Variants in SYNE2 observed in about 807,000 individuals in gnomAD.
SYNE2 encodes the protein nesprin-2.
In SYNE2, 431 loss-of-function variants were observed where a neutral mutation model predicts 856.3. The observed-to-expected ratio is 0.50, with a 90% CI of 0.47 to 0.55. SYNE2 has a LOEUF of 0.55. Among genes scored for constraint, SYNE2 ranks in the 20% least tolerant of loss-of-function variants. The pLI is 0.00. For synonymous variants in SYNE2, 2,923 were observed against 2,872.3 expected, an observed-to-expected ratio of 1.02 and a Z score of -0.56; for missense variants, 8,129 against 8,023.2, an observed-to-expected ratio of 1.01 and a Z score of -0.50.
At chr14:64,022,905 T>C (rs1253688597) in intron 38 of SYNE2, 42 bp downstream of exon 38, 2 of 1,027,236 alleles carry the variant, frequency 1.9e-6, no homozygotes, top group Non-Finnish European at 1.5e-6. Flanking sequence ...TTTTCAATAC[T>C]AAAATACTGG....
Position 64,047,983 on chromosome 14 carries a change from CTT to C in SYNE2, c.7222-13_7222-12del. ...GAAAGTAGACTATTCAGCAATTAAT[CTT>C]TTTATGTATTTCAGGATTCAGCTGT... On this transcript the variant is annotated splice_polypyrimidine_tract_variant and intron_variant, in intron 45 of 115. Transcript: ENST00000555002. 6.2e-7 allele frequency: 1 copy of C among 1,612,632 alleles called. No individual in the cohort carries two copies. The highest frequency in any genetic ancestry group is 1.1e-5 in the South Asian group (1 of 90,978).
chr14:63,929,441 AT>A (rs2095714912), intron 2 of SYNE2, among the ~76,000 whole-genome samples: 1 of 152,152 alleles, frequency 6.6e-6, no homozygotes, highest in Non-Finnish European at 1.5e-5. Context: ...ATAAAGAGTA[AT>A]TGGATGGAGG....
chr14:64,042,705 C>T (rs1236846528), intron 45 of SYNE2, among the ~76,000 whole-genome samples: 1 of 152,188 alleles, frequency 6.6e-6, no homozygotes, highest in African/African-American at 2.4e-5. Context: ...CCTTGCCTTA[C>T]ACCATGATTG....
chr14:64,093,291 GTC>G, intron 60 of SYNE2, 56 bp from the exon 61 acceptor site: 1 of 1,594,786 alleles, frequency 6.3e-7, no homozygotes, highest in South Asian at 1.1e-5. Flanking sequence ...AATGAAAATA[GTC>G]CATTAATCTG....
chr14:64,030,379 T>A (rs1258698182), intron 44 of SYNE2, among the ~76,000 whole-genome samples: 1 of 152,244 alleles, frequency 6.6e-6, no homozygotes, highest in Non-Finnish European at 1.5e-5. Context: ...GTTGGATGAA[T>A]GAATGATTGA....
rs780066354 is a variant in SYNE2, at chr14:64,048,152, A to G, written c.7374A>G (p.Ile2458Met). ...TMLRNEQLEEIEKLYTQLEAK... is the reference protein window; with the variant it reads ...TMLRNEQLEEMEKLYTQLEAK... ...TAAGAAATGAACAATTAGAAGAGAT[A>G]GAGGTATGGAAACATAAAAACACTG... Residue 2458 changes from isoleucine (I) to methionine (M), a missense_variant, in exon 46 of 116, where the codon ATA becomes ATG. By Grantham distance (10) the Ile-to-Met change is conservative. This residue lies in a region of SYNE2 where 5,410 missense variants were observed against 5,284.8 expected (regional missense o/e 1.02). Transcript: ENST00000555002. The G allele has an allele frequency of 5.0e-6, 8 of 1,612,752 alleles. No homozygotes were observed. The highest frequency in any genetic ancestry group is 6.8e-6 in the Non-Finnish European group (8 of 1,179,228).
In SYNE2 at chr14:64,128,561, A is replaced by C. The variant is rs776724371; in HGVS notation, c.14019+8A>C. The stretch of plus-strand genomic sequence containing the variant: ...GTTGCTGAACAGCTTCAGGTAATCA[A>C]GTCAAAATAATTCAGACTGACTTAA... On this transcript the variant is annotated splice_region_variant and intron_variant, in intron 74 of 115. Coordinates refer to ENST00000555002, the MANE Select transcript of SYNE2 (RefSeq NM_182914.3). 6.4e-7 allele frequency: 1 copy of C among 1,552,450 alleles called. No individual in the cohort carries two copies. Among genetic ancestry groups the C allele is most frequent in the Non-Finnish European group, 8.9e-7 (1 of 1,123,932 alleles).
rs752924465 is a variant in SYNE2, at chr14:64,097,924, C to T, written c.12109-25C>T. 5.6e-6 allele frequency: 9 copies of T among 1,613,624 alleles called. No individual in the cohort carries two copies. In the South Asian group the frequency reaches 9.9e-5, roughly 18 times the overall value. On this transcript the variant is annotated intron_variant, in intron 61 of 115. Coordinates refer to ENST00000555002, the MANE Select transcript of SYNE2 (RefSeq NM_182914.3). ...TGCAGAGGCCTCAGACTTCTCAAAC[C>T]TATGCAAACACTCTTTCTACACAGG... is the stretch of plus-strand genomic sequence containing the variant.
chr14:64,209,954 C>T lies in SYNE2; in HGVS notation c.18553C>T (p.Gln6185Ter), dbSNP rs1171077128. 1.2e-6 allele frequency: 2 copies of T among 1,614,090 alleles called. No individual in the cohort carries two copies. The highest frequency in any genetic ancestry group is 1.7e-6 in the Non-Finnish European group (2 of 1,180,040). The stretch of plus-strand genomic sequence containing the variant: ...CCATGTGATGCAGGCCTTTCAGCGG[C>T]AGATTCATGAGCGGCTCACTCAGCT... ...ELKRFEAFQR[Q>*]IHERLTQLEL... The change falls in exon 103 of 116, where the codon CAG (glutamine) becomes TAG (stop). Residue 6185 changes from glutamine (Q) to a stop codon, truncating the protein, a stop_gained. Coordinates refer to ENST00000555002, the MANE Select transcript of SYNE2 (RefSeq NM_182914.3). LOFTEE classifies it high-confidence loss of function.
chr14:64,161,552 C>T (rs1402425440), intron 87 of SYNE2, among the ~76,000 whole-genome samples: 2 of 152,006 alleles, frequency 1.3e-5, no homozygotes, highest in Non-Finnish European at 2.9e-5. Context: ...GTCATTTTAT[C>T]AGGCATACAG....
intron 45 of SYNE2, among the ~76,000 whole-genome samples, chr14:64,045,532 G>A (rs1018945189): frequency 6.6e-6 from 1 of 152,156 alleles, no homozygotes; most frequent in Non-Finnish European, 1.5e-5. Flanking sequence ...TAGGCAGAAA[G>A]CACCTACTGG....
At chr14:64,167,043 T>G (rs923672187) in intron 90 of SYNE2, 190 bp from the exon 91 acceptor site, 7 of 657,776 alleles carry the variant, frequency 1.1e-5, no homozygotes, top group Non-Finnish European at 1.8e-5. Context: ...AGGTTGGTAT[T>G]CTAGAAGGCA....
chr14:64,214,609 C>A, intron 106 of SYNE2, 139 bp downstream of exon 106: 1 of 794,726 alleles, frequency 1.3e-6, no homozygotes, highest in Non-Finnish European at 2.0e-6. Context: ...TGTGCTCTAT[C>A]CTGCCCATCT....
chr14:64,013,082 G>T (rs1055157644), intron 32 of SYNE2, among the ~76,000 whole-genome samples: 2 of 152,142 alleles, frequency 1.3e-5, no homozygotes, highest in Non-Finnish European at 2.9e-5. Context: ...ATCAAAGTGG[G>T]CCTAGTTCCC....
chr14:64,054,229 G>C (rs772033389), intron 48 of SYNE2, among the ~76,000 whole-genome samples: 1 of 152,160 alleles, frequency 6.6e-6, no homozygotes, highest in Non-Finnish European at 1.5e-5. Flanking sequence ...CGTAGTCTCT[G>C]TTGAGCTCAG....
intron 1 of SYNE2, among the ~76,000 whole-genome samples, chr14:63,878,832 A>G (rs2094790022): frequency 6.6e-6 from 1 of 152,250 alleles, no homozygotes; most frequent in Admixed American, 6.5e-5. Flanking sequence ...GGTGTGAGCC[A>G]CTGCGCTCGG....
At chr14:63,815,207 TATATATATCC>T (rs1888913995) in intron 1 of SYNE2, among the ~76,000 whole-genome samples, 2 of 131,854 alleles carry the variant, frequency 1.5e-5, no homozygotes, top group African/African-American at 5.7e-5. Context: ...TATATATCCA[TATATATATCC>T]ATATATATAT....
rs183135137 is a variant in SYNE2 at position 64,038,170 on chromosome 14, C to T, written c.7221+6813C>T. On this transcript the variant is annotated intron_variant, in intron 45 of 115. Coordinates refer to ENST00000555002, the MANE Select transcript of SYNE2 (RefSeq NM_182914.3). ...GCTCCTCACATCCCAGACGGGGCGG[C>T]GGGGCAGAGACGCTCCCCACATCTC... is the stretch of plus-strand genomic sequence containing the variant. Among the ~76,000 whole-genome samples, 381 of 151,044 alleles carry T rather than the reference C, an allele frequency of 2.5e-3. No individual in the cohort carries two copies. In the East Asian group the frequency reaches 0.039, roughly 16 times the overall value.
At chr14:64,159,561 G>C in intron 87 of SYNE2, 119 bp downstream of exon 87, 1 of 1,197,324 alleles carries the variant, frequency 8.4e-7, no homozygotes, top group Non-Finnish European at 1.2e-6. Context: ...GTTTCCTACT[G>C]TTCTGGTCTC....
Sources: gnomAD v4.1 joint callset for allele counts (sites outside exome capture counted in the v4.1 genomes callset) on GRCh38, gnomAD v4.1.1 for gene constraint, gnomAD v4.1.1 regional missense constraint, MANE v1.5 for transcripts, NCBI Gene and HGNC (gene_info 2026-07-23, HGNC 2026-07-21) for gene names.